Variants in ARL13B observed in about 807,000 individuals in gnomAD.
ARL13B encodes the protein ADP-ribosylation factor-like protein 13B.
A neutral mutation model predicts 56.1 loss-of-function variants in ARL13B; 36 were observed. The ratio of observed to expected loss-of-function variants is 0.64; its 90% confidence interval spans 0.49 to 0.85. The LOEUF is 0.85. ARL13B is among the 40% of genes least tolerant of loss of function. The pLI, the probability that ARL13B is intolerant of heterozygous loss-of-function variation, is 0.00. For synonymous variants in ARL13B, 178 were observed against 171.1 expected (o/e 1.04, Z -0.32); for missense variants, 519 against 507.1 (o/e 1.02, Z -0.23).
chr3:94,041,451 A>G (rs1385428739), intron 6 of ARL13B, among the ~76,000 whole-genome samples: 2 of 152,220 alleles, frequency 1.3e-5, no homozygotes, highest in Non-Finnish European at 2.9e-5. Context: ...TCAAGTTACT[A>G]GTAGATAATA....
At chr3:94,011,612 C>A (rs140857522) in intron 3 of ARL13B, among the ~76,000 whole-genome samples, 11 of 152,208 alleles carry the variant, frequency 7.2e-5, no homozygotes, top group African/African-American at 2.4e-4. Context: ...TCTTTCTACC[C>A]AAGTCCAGCT....
In ARL13B at chr3:93,980,395, A is replaced by G. The variant is rs752924741; in HGVS notation, c.-29A>G. On this transcript the variant is annotated 5_prime_UTR_variant, in exon 1 of 10. It removes an upstream start codon present in the reference 5' UTR. Transcript: ENST00000394222. ...GTGCCGGTGTCCGCTCCGGGCTCGG[A>G]TGGGAAGTGGTGGGAGGAGCGACCC... 72 of 1,610,280 alleles carry G rather than the reference A, an allele frequency of 4.5e-5. No individual in the cohort carries two copies. The highest frequency in any genetic ancestry group is 5.7e-5 in the Non-Finnish European group (67 of 1,179,900).
At chr3:94,034,165 T>G (rs540154417) in intron 3 of ARL13B, among the ~76,000 whole-genome samples, 1 of 152,110 alleles carries the variant, frequency 6.6e-6, no homozygotes, top group East Asian at 1.9e-4. Context: ...AATATCTGGG[T>G]GAAGTAATGT....
intron 6 of ARL13B, 93 bp downstream of exon 6, chr3:94,040,081 C>T (rs1340127790): frequency 2.9e-6 from 3 of 1,039,250 alleles, no homozygotes; most frequent in Admixed American, 2.0e-5. Context: ...GGCAGGGAAA[C>T]AGATGTGTTT....
At chr3:93,996,087 C>A in intron 2 of ARL13B, 143 bp downstream of exon 2, 1 of 872,976 alleles carries the variant, frequency 1.1e-6, no homozygotes, top group Non-Finnish European at 1.8e-6. Context: ...ATTTGTGACT[C>A]TTGTGGCGAA....
At chr3:94,050,742 C>T in intron 8 of ARL13B, 82 bp from the exon 9 acceptor site, 1 of 1,172,220 alleles carries the variant, frequency 8.5e-7, no homozygotes, top group Non-Finnish European at 1.2e-6. Context: ...ACATATGCTT[C>T]CTTTCCAGGG....
intron 3 of ARL13B, among the ~76,000 whole-genome samples, chr3:94,035,012 G>A (rs2076741639): frequency 6.6e-6 from 1 of 152,182 alleles, no homozygotes; most frequent in Admixed American, 6.5e-5. Context: ...GAGACTGACA[G>A]ATCACTTGAG....
Position 94,055,213 on chromosome 3 carries a change from T to C in ARL13B, c.*1950T>C, listed in dbSNP as rs929300645. The C allele has an allele frequency of 2.5e-6, 1 of 394,868 alleles. No homozygotes were observed. Among genetic ancestry groups the C allele is most frequent in the Non-Finnish European group, 4.9e-6 (1 of 204,458 alleles). The allele number at this position is 394,868 out of a possible 1,614,324, so 24.5% of individuals were successfully genotyped here. ...TAACAATTAAATGCCTATTTTGTTATATGTTATACTTTTATTCTTAATTCT... is the reference window on the plus strand; with the variant it reads ...TAACAATTAAATGCCTATTTTGTTACATGTTATACTTTTATTCTTAATTCT... On this transcript the variant is annotated 3_prime_UTR_variant, in exon 10 of 10. Transcript: ENST00000394222.
intron 8 of ARL13B, among the ~76,000 whole-genome samples, chr3:94,049,863 A>G (rs1221919042): frequency 1.3e-5 from 2 of 151,982 alleles, no homozygotes; most frequent in East Asian, 1.9e-4. Context: ...TTTTTAAAAC[A>G]TTGAACCGGC....
At chr3:94,039,494 C>T (rs191723662) in intron 5 of ARL13B, among the ~76,000 whole-genome samples, 10 of 107,994 alleles carry the variant, frequency 9.3e-5, no homozygotes, top group African/African-American at 4.1e-4. Context: ...TGCAAGACTC[C>T]GACTCAAAAA....
chr3:94,014,715 C>A (rs776879446), intron 3 of ARL13B: 2 of 1,612,928 alleles, frequency 1.2e-6, no homozygotes, highest in Admixed American at 1.7e-5. Flanking sequence ...CTTGATGAAG[C>A]ATATCATTTA....
chr3:94,004,102 A>G (rs1401686944), intron 3 of ARL13B, among the ~76,000 whole-genome samples, 194 bp downstream of exon 3: 2 of 152,170 alleles, frequency 1.3e-5, no homozygotes, highest in Admixed American at 1.3e-4. Context: ...GGCTAAGGCT[A>G]TAGAATTCTT....
chr3:94,006,832 A>G (rs1196262120), intron 3 of ARL13B, among the ~76,000 whole-genome samples: 3 of 152,212 alleles, frequency 2.0e-5, no homozygotes, highest in Admixed American at 6.5e-5. Context: ...AACTAGAAAT[A>G]ATGCCTGGCA....
intron 3 of ARL13B, among the ~76,000 whole-genome samples, chr3:94,018,085 CA>C (rs2076369087): frequency 1.3e-5 from 2 of 152,110 alleles, no homozygotes; most frequent in African/African-American, 4.8e-5. Context: ...TAAACTGATA[CA>C]GGGGTGTCCC....
chr3:94,039,774 A>T, intron 5 of ARL13B, 106 bp from the exon 6 acceptor site: 3 of 922,674 alleles, frequency 3.3e-6, no homozygotes, highest in Non-Finnish European at 5.1e-6. Context: ...CCATGTCCAG[A>T]TGTTTAAATT....
intron 3 of ARL13B, among the ~76,000 whole-genome samples, chr3:94,005,295 T>C (rs1164042531): frequency 3.3e-5 from 5 of 152,162 alleles, no homozygotes; most frequent in African/African-American, 1.2e-4. Flanking sequence ...CATCAGTGTA[T>C]TGAAAACAAA....
At chr3:94,045,077 A>T (rs1053426371) in intron 7 of ARL13B, among the ~76,000 whole-genome samples, 8 of 152,178 alleles carry the variant, frequency 5.3e-5, no homozygotes, top group Admixed American at 5.2e-4. Flanking sequence ...GTAGACATAG[A>T]AGACTCCATT....
chr3:94,045,961 A>G (rs1576051566), intron 7 of ARL13B, among the ~76,000 whole-genome samples: 1 of 146,354 alleles, frequency 6.8e-6, no homozygotes, highest in African/African-American at 2.5e-5. Context: ...AAAAAAAAAA[A>G]AAAAAAGAAA....
chr3:94,011,775 C>T (rs1252211388), intron 3 of ARL13B, among the ~76,000 whole-genome samples: 5 of 152,190 alleles, frequency 3.3e-5, no homozygotes, highest in Non-Finnish European at 7.4e-5. Context: ...AATCCTTTCA[C>T]TCTACATATC....
Sources: allele counts gnomAD v4.1 joint callset (sites outside exome capture counted in the v4.1 genomes callset), GRCh38; gene constraint gnomAD v4.1.1; transcripts MANE v1.5; gene names NCBI Gene and HGNC (gene_info 2026-07-23, HGNC 2026-07-21).